Variants in CYP3A43 observed in about 807,000 individuals in gnomAD.
CYP3A43 encodes the protein cytochrome P450 3A43.
A neutral mutation model predicts 58.0 loss-of-function variants in CYP3A43; 45 were observed. That is an observed-to-expected ratio of 0.78 (90% CI 0.61 to 0.99). CYP3A43 has a LOEUF of 0.99. CYP3A43 is among the 50% of genes least tolerant of loss of function. CYP3A43 has a pLI of 0.00. For synonymous variants in CYP3A43, 191 were observed against 201.4 expected, an observed-to-expected ratio of 0.95 and a Z score of 0.44; for missense variants, 593 against 591.9, an observed-to-expected ratio of 1.00 and a Z score of -0.02.
chr7:99,849,840 T>C (rs1817681766), intron 7 of CYP3A43, 146 bp downstream of exon 7: 4 of 859,630 alleles, frequency 4.7e-6, no homozygotes, highest in East Asian at 2.7e-5. Context: ...TTTAAAGATA[T>C]GCACAACCAA....
intron 7 of CYP3A43, among the ~76,000 whole-genome samples, chr7:99,852,981 T>C (rs1345056875): frequency 6.6e-6 from 1 of 152,246 alleles, no homozygotes; most frequent in Non-Finnish European, 1.5e-5. Context: ...TATATGTTGC[T>C]AGATTGATCC....
At chr7:99,862,415 A>G (rs1818273320) in intron 11 of CYP3A43, among the ~76,000 whole-genome samples, 2 of 152,298 alleles carry the variant, frequency 1.3e-5, no homozygotes, top group African/African-American at 4.8e-5. Context: ...AAGCCACTTC[A>G]TTGAGGACAG....
intron 3 of CYP3A43, chr7:99,839,473 G>A (rs1817243168): frequency 3.5e-6 from 2 of 578,594 alleles, no homozygotes; most frequent in Non-Finnish European, 6.5e-6. Context: ...ATACCTTACT[G>A]CCTTCCTTTT....
chr7:99,850,480 T>C (rs534127405), intron 7 of CYP3A43, among the ~76,000 whole-genome samples: 21 of 152,194 alleles, frequency 1.4e-4, no homozygotes, highest in Non-Finnish European at 2.8e-4. Context: ...CAGGATGATC[T>C]CGATCTCTTG....
rs761131127 is a variant in CYP3A43 at position 99,855,737 on chromosome 7, G to A, written c.798+19G>A. 124 of 1,591,080 alleles carry A rather than the reference G, an allele frequency of 7.8e-5. No individual in the cohort carries two copies. The South Asian group carries it at 1.3e-3, about 17-fold the overall frequency. On this transcript the variant is annotated intron_variant, in intron 8 of 12. Transcript: ENST00000354829. ...ACAAAAGGTAAAATCTGGTGGTGGT[G>A]ACATGAGAATGTTCACTTTTTTATT...
At chr7:99,849,405 T>C (rs1372245764) in intron 6 of CYP3A43, 141 bp from the exon 7 acceptor site, 6 of 968,748 alleles carry the variant, frequency 6.2e-6, no homozygotes, top group Non-Finnish European at 7.3e-6. Flanking sequence ...ATGAGTATGA[T>C]GGGAGATGAT....
Position 99,861,816 on chromosome 7 carries a change from G to A in CYP3A43, c.1230G>A (p.Glu410=). Reference sequence around the variant, plus strand: ...ACCATGACCCAAAGTACTGGACAGAGCCTGAGAAGTTCTGCCCTGAAAGGT... The same window carrying A: ...ACCATGACCCAAAGTACTGGACAGAACCTGAGAAGTTCTGCCCTGAAAGGT... ...ALHHDPKYWT[E]PEKFCPERFS... is the part of the protein sequence containing the mutation. The change falls in exon 11 of 13, where the codon GAG becomes GAA. Residue 410 remains glutamate (E), a synonymous_variant. Coordinates refer to ENST00000354829, the MANE Select transcript of CYP3A43 (RefSeq NM_057095.3). The A allele has an allele frequency of 6.2e-7, 1 of 1,613,708 alleles. No homozygotes were observed.
intron 7 of CYP3A43, among the ~76,000 whole-genome samples, chr7:99,855,134 C>T (rs928662930): frequency 6.6e-6 from 1 of 152,178 alleles, no homozygotes; most frequent in African/African-American, 2.4e-5. Context: ...CCTGCCTCAG[C>T]CTCCCTAAGT....
At chr7:99,851,159 G>T (rs1413599031) in intron 7 of CYP3A43, among the ~76,000 whole-genome samples, 1 of 139,146 alleles carries the variant, frequency 7.2e-6, no homozygotes, top group Non-Finnish European at 1.5e-5. Context: ...GCAAGACCCC[G>T]TCTAAAAAAA....
In CYP3A43 at chr7:99,855,588, T is replaced by C. The variant is rs1468497881; in HGVS notation, c.671-3T>C. ...TTTCTTTTTCTATTTAATTTTCCTA[T>C]AGCACTCTTTCCATTTCTTACCCCA... On this transcript the variant is annotated splice_region_variant and splice_polypyrimidine_tract_variant and intron_variant, in intron 7 of 12. Transcript: ENST00000354829. 6.2e-7 allele frequency: 1 copy of C among 1,601,960 alleles called. No homozygotes were observed. Among genetic ancestry groups the C allele is most frequent in the African/African-American group, 1.3e-5 (1 of 74,318 alleles).
At chr7:99,853,180 T>G (rs749232793) in intron 7 of CYP3A43, among the ~76,000 whole-genome samples, 3 of 152,234 alleles carry the variant, frequency 2.0e-5, no homozygotes. Flanking sequence ...ATATTAATTC[T>G]CCTTTAAATA....
intron 11 of CYP3A43, among the ~76,000 whole-genome samples, chr7:99,862,128 A>G (rs530040145): frequency 6.6e-6 from 1 of 152,294 alleles, no homozygotes; most frequent in Non-Finnish European, 1.5e-5. Flanking sequence ...TGCTTACTTC[A>G]TTTCAAAGTA....
At chr7:99,831,157 C>G (rs1313435204) in intron 1 of CYP3A43, among the ~76,000 whole-genome samples, 3 of 152,252 alleles carry the variant, frequency 2.0e-5, no homozygotes, top group Non-Finnish European at 2.9e-5. Context: ...ACCAAGCTAA[C>G]AGCTGGGCCT....
At chr7:99,861,492 A>G in intron 10 of CYP3A43, 121 bp from the exon 11 acceptor site, 1 of 845,826 alleles carries the variant, frequency 1.2e-6, no homozygotes, top group Non-Finnish European at 1.8e-6. Flanking sequence ...TATAAATGCA[A>G]CAATCTTTTA....
chr7:99,858,660 GTATTATTATTAT>G (rs150747464), intron 9 of CYP3A43, among the ~76,000 whole-genome samples: 18,583 of 142,092 alleles, frequency 0.13, 1,408 homozygotes, highest in African/African-American at 0.2. Flanking sequence ...TCTTCCTGCT[GTATTATTATTAT>G]TATTATTATT....
At position 99,849,615 on chromosome 7, in the gene CYP3A43, C is replaced by T. The variant is rs146587177; in HGVS notation, c.591C>T (p.Asn197=). The stretch of plus-strand genomic sequence containing the variant: ...TTGGAGTGAACTTGGATTCTCTCAA[C>T]AATCCACAAGATCCCTTTCTGAAAA... The part of the protein sequence containing the change: ...TLFGVNLDSL[N]NPQDPFLKNM... Residue 197 remains asparagine (N), a synonymous_variant, in exon 7 of 13, where the codon AAC becomes AAT. Coordinates refer to ENST00000354829, the MANE Select transcript of CYP3A43 (RefSeq NM_057095.3). The T allele has an allele frequency of 3.1e-6, 5 of 1,613,258 alleles. No individual in the cohort carries two copies. The highest frequency in any genetic ancestry group is 4.2e-6 in the Non-Finnish European group (5 of 1,179,830).
intron 9 of CYP3A43, among the ~76,000 whole-genome samples, chr7:99,857,621 T>C (rs1373325527): frequency 6.6e-6 from 1 of 152,142 alleles, no homozygotes; most frequent in East Asian, 1.9e-4. Context: ...GGCAGGTGGA[T>C]CACCTAGGGT....
In CYP3A43 at chr7:99,856,830, C is replaced by T. The variant is rs1433428915; in HGVS notation, c.799-3C>T. 6.2e-7 allele frequency: 1 copy of T among 1,613,542 alleles called. No individual in the cohort carries two copies. The highest frequency in any genetic ancestry group is 1.1e-5 in the South Asian group (1 of 90,960). On this transcript the variant is annotated splice_polypyrimidine_tract_variant and splice_region_variant and intron_variant, in intron 8 of 12. Coordinates refer to ENST00000354829, the MANE Select transcript of CYP3A43 (RefSeq NM_057095.3). The stretch of plus-strand genomic sequence containing the variant: ...TCATTAAAATTTCTCTTTTTGCTTC[C>T]AGCATCGAGTAGATTTCTTTCAACA...
chr7:99,861,318 C>T (rs530029768), intron 10 of CYP3A43, among the ~76,000 whole-genome samples: 11 of 152,198 alleles, frequency 7.2e-5, no homozygotes, highest in Non-Finnish European at 1.2e-4. Flanking sequence ...AAATGGCCAT[C>T]GTCTATTAGT....
Sources: gnomAD v4.1 joint callset for allele counts (sites outside exome capture counted in the v4.1 genomes callset) on GRCh38, gnomAD v4.1.1 for gene constraint, MANE v1.5 for transcripts, NCBI Gene and HGNC (gene_info 2026-07-23, HGNC 2026-07-21) for gene names.